Variants in NECAB1 observed in about 807,000 individuals in gnomAD.
The protein encoded by NECAB1 is N-terminal EF-hand calcium binding protein 1, also known as N-terminal EF-hand calcium-binding protein 1.
In NECAB1, 29 loss-of-function variants were observed where a neutral mutation model predicts 57.5. That is an observed-to-expected ratio of 0.50 (90% confidence interval 0.38 to 0.69). NECAB1 has a LOEUF of 0.69. NECAB1 is among the 30% of genes least tolerant of loss of function. The pLI is 0.00. For synonymous variants in NECAB1, 142 were observed against 147.7 expected (o/e 0.96, Z 0.28); for missense variants, 372 against 413.8 (o/e 0.90, Z 0.88).
At chr8:90,939,796 T>G (rs1203887134) in intron 9 of NECAB1, among the ~76,000 whole-genome samples, 1 of 152,232 alleles carries the variant, frequency 6.6e-6, no homozygotes, top group African/African-American at 2.4e-5. Flanking sequence ...TCATTGGTAT[T>G]CAACAAATAG....
rs1357441731 is a variant in NECAB1 at position 90,917,519 on chromosome 8, C to A, written c.385C>A (p.Gln129Lys). ...KDYQEASNLEQFVTRFLLKET... is the reference protein window; with the variant it reads ...KDYQEASNLEKFVTRFLLKET... Reference sequence around the variant, plus strand: ...CTACCAAGAAGCCTCCAATTTGGAACAATTCGTAACTAGATTTTTATTGAA... The same window carrying A: ...CTACCAAGAAGCCTCCAATTTGGAAAAATTCGTAACTAGATTTTTATTGAA... The change falls in exon 6 of 13, where the codon CAA becomes AAA. Residue 129 changes from glutamine (Q) to lysine (K), a missense_variant. Coordinates refer to ENST00000417640, the MANE Select transcript of NECAB1 (RefSeq NM_022351.5). 1.2e-6 allele frequency: 2 copies of A among 1,610,594 alleles called. No individual in the cohort carries two copies. The highest frequency in any genetic ancestry group is 1.7e-6 in the Non-Finnish European group (2 of 1,177,878).
intron 5 of NECAB1, among the ~76,000 whole-genome samples, chr8:90,904,811 CTGACA>C (rs1009672331): frequency 5.5e-4 from 84 of 152,152 alleles, no homozygotes; most frequent in African/African-American, 1.8e-3. Context: ...TGTGAAAGAG[CTGACA>C]TGACATATCA....
At chr8:90,829,506 G>C (rs182269250) in intron 3 of NECAB1, among the ~76,000 whole-genome samples, 125 of 152,178 alleles carry the variant, frequency 8.2e-4, no homozygotes, top group Non-Finnish European at 1.6e-3. Context: ...TACATCAAAT[G>C]GTAGACCAGA....
chr8:90,846,935 C>T (rs1812573459), intron 3 of NECAB1, among the ~76,000 whole-genome samples: 1 of 152,146 alleles, frequency 6.6e-6, no homozygotes, highest in Non-Finnish European at 1.5e-5. Context: ...TGGGTGGGGA[C>T]ACAGCCAAAC....
chr8:90,837,808 T>A (rs1444896739), intron 3 of NECAB1, among the ~76,000 whole-genome samples: 2 of 152,252 alleles, frequency 1.3e-5, no homozygotes, highest in African/African-American at 4.8e-5. Context: ...CAAATCATTA[T>A]GTCTGTACCA....
At chr8:90,803,044 A>G (rs894346878) in intron 2 of NECAB1, among the ~76,000 whole-genome samples, 13 of 151,682 alleles carry the variant, frequency 8.6e-5, no homozygotes, top group African/African-American at 3.1e-4. Flanking sequence ...ATACAGGCAC[A>G]CTCCATCACA....
At chr8:90,812,605 T>TGTC (rs1323336177) in intron 2 of NECAB1, 1 of 152,176 alleles carries the variant, frequency 6.6e-6, no homozygotes, top group Non-Finnish European at 1.5e-5. Context: ...AAATATATGA[T>TGTC]GTCAAGTCAG....
chr8:90,845,274 C>T (rs1006452781), intron 3 of NECAB1, among the ~76,000 whole-genome samples: 1 of 152,148 alleles, frequency 6.6e-6, no homozygotes, highest in Non-Finnish European at 1.5e-5. Flanking sequence ...TTATCACATC[C>T]CTCTCCTGTC....
chr8:90,955,002 C>T (rs894739776), intron 12 of NECAB1, among the ~76,000 whole-genome samples: 1 of 121,184 alleles, frequency 8.3e-6, no homozygotes, highest in African/African-American at 2.9e-5. Flanking sequence ...TGTATATGTA[C>T]ACATATGCAT....
chr8:90,860,586 G>A (rs1386107), intron 3 of NECAB1, among the ~76,000 whole-genome samples: 70,171 of 151,900 alleles, frequency 0.46, 19,656 homozygotes, highest in East Asian at 0.77. Context: ...GTTTTTCTGC[G>A]TAAGTATATA....
chr8:90,809,580 CG>C (rs892779453), intron 2 of NECAB1, among the ~76,000 whole-genome samples: 6 of 152,176 alleles, frequency 3.9e-5, no homozygotes, highest in African/African-American at 1.2e-4. Context: ...CATTTACTGA[CG>C]TGGACATGTG....
intron 3 of NECAB1, among the ~76,000 whole-genome samples, chr8:90,840,743 A>G (rs769338221): frequency 6.6e-6 from 1 of 152,158 alleles, no homozygotes; most frequent in Non-Finnish European, 1.5e-5. Flanking sequence ...CATAACGCAC[A>G]GTCATTGCTC....
rs137863318 is a variant in NECAB1, at chr8:90,949,603, TAAAC to T, written c.861-196_861-193del. On this transcript the variant is annotated intron_variant, in intron 10 of 12. Coordinates refer to ENST00000417640, the MANE Select transcript of NECAB1 (RefSeq NM_022351.5). ...CCAGAAAACTAAAAAAACAAACAAA[TAAAC>T]AAACAAAAACACTTATGCCTAACAG... Among the ~76,000 whole-genome samples the T allele has an allele frequency of 2.5e-3, 373 of 152,054 alleles. 1 individual carries two copies. The highest frequency in any genetic ancestry group is 8.2e-3 in the African/African-American group (340 of 41,514).
chr8:90,923,002 A>C (rs1810165267), intron 6 of NECAB1, among the ~76,000 whole-genome samples: 1 of 152,206 alleles, frequency 6.6e-6, no homozygotes, highest in South Asian at 2.1e-4. Flanking sequence ...GAGAAGGTGA[A>C]TCTAGTGGAA....
intron 3 of NECAB1, among the ~76,000 whole-genome samples, chr8:90,853,467 T>C (rs1273147559): frequency 7.2e-6 from 1 of 138,556 alleles, no homozygotes; most frequent in African/African-American, 2.6e-5. Flanking sequence ...GTTACACCCA[T>C]TTTAAATAGA....
intron 3 of NECAB1, among the ~76,000 whole-genome samples, chr8:90,856,801 A>G (rs1563507267): frequency 2.6e-5 from 4 of 152,192 alleles, no homozygotes; most frequent in Admixed American, 6.5e-5. Context: ...ACTTGCTACC[A>G]TGCACGTATC....
intron 10 of NECAB1, among the ~76,000 whole-genome samples, chr8:90,945,577 C>G (rs1810786784): frequency 6.6e-6 from 1 of 152,176 alleles, no homozygotes; most frequent in South Asian, 2.1e-4. Flanking sequence ...GACTGGCCCT[C>G]TTGCCATGTC....
intron 9 of NECAB1, among the ~76,000 whole-genome samples, chr8:90,935,457 C>A (rs919664080): frequency 3.9e-5 from 6 of 152,060 alleles, no homozygotes; most frequent in Admixed American, 3.9e-4. Flanking sequence ...TTCCTCAAGA[C>A]CCCAACATTT....
intron 3 of NECAB1, among the ~76,000 whole-genome samples, chr8:90,826,063 A>G (rs980150139): frequency 3.3e-5 from 5 of 151,862 alleles, no homozygotes; most frequent in African/African-American, 1.2e-4. Context: ...CTCGGGGAAT[A>G]TTTACAGGAT....
Sources: allele counts gnomAD v4.1 joint callset (sites outside exome capture counted in the v4.1 genomes callset), GRCh38; gene constraint gnomAD v4.1.1; transcripts MANE v1.5; gene names NCBI Gene and HGNC (gene_info 2026-07-23, HGNC 2026-07-21).